The following AOPEP variants were observed in gnomAD, a reference collection of about 807,000 sequenced individuals.
AOPEP encodes the protein aminopeptidase O.
AOPEP carries 77 observed loss-of-function variants against 98.1 expected under a neutral mutation model. That is an observed-to-expected ratio of 0.78 (90% confidence interval 0.65 to 0.95). The LOEUF is 0.95. Ranked by LOEUF, AOPEP falls within the 40% of genes least tolerant of loss-of-function variation. AOPEP has a pLI of 0.00. For synonymous variants in AOPEP, 346 were observed against 365.3 expected (o/e 0.95, Z 0.60); for missense variants, 1,024 against 1,024.7 (o/e 1.00, Z 0.01).
At chr9:94,931,831 T>A in intron 7 of AOPEP, 2 of 1,526,552 alleles carry the variant, frequency 1.3e-6, no homozygotes, top group Non-Finnish European at 1.8e-6. Context: ...TTTCTCCTCC[T>A]GGCTTCTGTG....
intron 1 of AOPEP, among the ~76,000 whole-genome samples, chr9:94,754,934 TTTC>T (rs1478176018): frequency 5.3e-5 from 8 of 152,154 alleles, no homozygotes; most frequent in African/African-American, 1.2e-4. Flanking sequence ...GGCAGAGCAG[TTTC>T]TTCTTTGTGC....
chr9:94,767,447 C>T (rs780024214), intron 2 of AOPEP, among the ~76,000 whole-genome samples: 2 of 152,204 alleles, frequency 1.3e-5, no homozygotes, highest in Admixed American at 6.5e-5. Flanking sequence ...CGCAGTGCCC[C>T]GTATCACCAA....
At chr9:94,935,631 A>G (rs1402741707) in intron 7 of AOPEP, among the ~76,000 whole-genome samples, 2 of 152,144 alleles carry the variant, frequency 1.3e-5, no homozygotes, top group Non-Finnish European at 2.9e-5. Context: ...TTCACAGGAA[A>G]GACAGGCTCA....
intron 3 of AOPEP, among the ~76,000 whole-genome samples, chr9:94,777,516 A>C (rs747736565): frequency 5.3e-5 from 8 of 151,974 alleles, no homozygotes; most frequent in Non-Finnish European, 8.8e-5. Flanking sequence ...GTCACTATGG[A>C]AAATCAGTAG....
intron 11 of AOPEP, among the ~76,000 whole-genome samples, chr9:94,987,349 G>A (rs12684777): frequency 0.047 from 7,106 of 152,356 alleles, 467 homozygotes; most frequent in African/African-American, 0.14. Flanking sequence ...ATGGGCAGGT[G>A]GAGATTGTGG....
At chr9:94,830,708 G>A (rs570542517) in intron 5 of AOPEP, among the ~76,000 whole-genome samples, 44 of 152,252 alleles carry the variant, frequency 2.9e-4, no homozygotes, top group African/African-American at 1.0e-3. Context: ...AACCTTGCCA[G>A]CATCTGTTGT....
At chr9:95,135,735 A>G in the AOPEP span, among the ~76,000 whole-genome samples, 11 of 152,242 alleles carry the variant, frequency 7.2e-5, no homozygotes, top group African/African-American at 2.4e-4. Flanking sequence ...GCTCAGGAAA[A>G]AAATTGCTTT....
At chr9:94,951,316 A>T (rs574113749) in intron 7 of AOPEP, among the ~76,000 whole-genome samples, 1 of 152,200 alleles carries the variant, frequency 6.6e-6, no homozygotes. Context: ...AAGGTTCTCC[A>T]CTTAGTACTT....
At chr9:94,769,836 A>G (rs1329816660) in intron 2 of AOPEP, among the ~76,000 whole-genome samples, 1 of 152,228 alleles carries the variant, frequency 6.6e-6, no homozygotes, top group Admixed American at 6.5e-5. Flanking sequence ...AAGAGCTTTC[A>G]AGAGCGTGAC....
chr9:95,066,778 T>G (rs1166411594), intron 14 of AOPEP, among the ~76,000 whole-genome samples: 1 of 152,182 alleles, frequency 6.6e-6, no homozygotes, highest in Non-Finnish European at 1.5e-5. Context: ...GCCCTGATGC[T>G]CTTCTTCCGG....
chr9:95,071,379 T>A (rs913420279), intron 14 of AOPEP, among the ~76,000 whole-genome samples: 2 of 150,516 alleles, frequency 1.3e-5, no homozygotes, highest in Non-Finnish European at 2.9e-5. Context: ...TCTGTATCAA[T>A]TGTTGCTGTT....
At chr9:95,040,790 T>C (rs923546176) in intron 13 of AOPEP, among the ~76,000 whole-genome samples, 1 of 152,244 alleles carries the variant, frequency 6.6e-6, no homozygotes, top group South Asian at 2.1e-4. Flanking sequence ...TGGGTTATCC[T>C]GGCTCCTCCC....
rs535734368 is a variant in AOPEP, at chr9:94,864,759, A to G, written c.1365-59227A>G. On this transcript the variant is annotated intron_variant, in intron 5 of 16. Coordinates refer to ENST00000375315, the MANE Select transcript of AOPEP (RefSeq NM_001193329.3). ...CTTTTTTCCCAAGGTAGGAATTTTT[A>G]TTTTCCTGCATTTCATACACAACAG... is the stretch of plus-strand genomic sequence containing the variant. 8.5e-5 allele frequency among the ~76,000 whole-genome samples: 13 copies of G among 152,246 alleles called. 1 individual carries two copies. In the South Asian group the frequency reaches 2.5e-3, roughly 29 times the overall value.
intron 5 of AOPEP, among the ~76,000 whole-genome samples, chr9:94,895,220 A>G (rs1395070500): frequency 2.5e-5 from 1 of 40,188 alleles, no homozygotes; most frequent in African/African-American, 7.2e-5. Flanking sequence ...CATCTCTACT[A>G]AAAAAAAATA....
intron 7 of AOPEP, among the ~76,000 whole-genome samples, chr9:94,952,750 G>A (rs1475091347): frequency 6.6e-6 from 1 of 152,188 alleles, no homozygotes; most frequent in East Asian, 1.9e-4. Flanking sequence ...TTCTTGCAAA[G>A]CTTGCCTGTG....
chr9:94,836,032 G>T (rs796320783), intron 5 of AOPEP, among the ~76,000 whole-genome samples: 10 of 152,312 alleles, frequency 6.6e-5, no homozygotes, highest in African/African-American at 1.9e-4. Context: ...ACCTACAGAA[G>T]AAAGGACCTT....
intron 6 of AOPEP, 41 bp from the exon 7 acceptor site, chr9:94,928,382 CTG>C (rs2054715186): frequency 2.2e-6 from 3 of 1,386,216 alleles, no homozygotes; most frequent in Middle Eastern, 1.8e-4. Flanking sequence ...ACAACAGTGA[CTG>C]TGTTTTGTGC....
chr9:95,075,110 C>G (rs998371320), intron 14 of AOPEP, among the ~76,000 whole-genome samples: 3 of 152,164 alleles, frequency 2.0e-5, no homozygotes, highest in East Asian at 1.9e-4. Flanking sequence ...ATTTTCCTCC[C>G]TCGCCCCTTT....
At chr9:94,761,115 C>G (rs1838181854) in intron 2 of AOPEP, among the ~76,000 whole-genome samples, 1 of 152,164 alleles carries the variant, frequency 6.6e-6, no homozygotes. Context: ...ACGTGACCCC[C>G]CCCAAAGCAT....
Sources: gnomAD v4.1 joint callset for allele counts (sites outside exome capture counted in the v4.1 genomes callset) on GRCh38, gnomAD v4.1.1 for gene constraint, MANE v1.5 for transcripts, NCBI Gene and HGNC (gene_info 2026-07-23, HGNC 2026-07-21) for gene names.